RNF180: variants seen among roughly 807,000 people sequenced by gnomAD.
RNF180 encodes the protein ring finger protein 180, also known as E3 ubiquitin-protein ligase RNF180.
Under a neutral mutation model 59.2 loss-of-function variants are expected in RNF180, and 38 were observed. The ratio of observed to expected loss-of-function variants is 0.64; its 90% CI spans 0.50 to 0.84. RNF180 has a LOEUF of 0.84. Among genes scored for constraint, RNF180 ranks in the 40% least tolerant of loss-of-function variants. The pLI is 0.00. For missense variants in RNF180, 705 were observed against 700.9 expected, an observed-to-expected ratio of 1.01 and a Z score of -0.07; for synonymous variants, 262 against 240.3, an observed-to-expected ratio of 1.09 and a Z score of -0.84.
chr5:64,180,238 TCTA>T lies in RNF180; in HGVS notation c.-1+14288_-1+14290del, dbSNP rs1314503758. ...TCAGTGTTTCACTTTGCCATTTTATTCTACTCTGTTTTTTGAAACATGACCCAG... is the reference window on the plus strand; with the variant it reads ...TCAGTGTTTCACTTTGCCATTTTATTCTCTGTTTTTTGAAACATGACCCAG... On this transcript the variant is annotated intron_variant, in intron 1 of 7. Coordinates refer to ENST00000389100, the MANE Select transcript of RNF180 (RefSeq NM_001113561.2). 2.6e-5 allele frequency among the ~76,000 whole-genome samples: 4 copies of T among 152,306 alleles called. No individual in the cohort carries two copies. The South Asian group carries it at 6.2e-4, about 24-fold the overall frequency.
intron 5 of RNF180, among the ~76,000 whole-genome samples, chr5:64,254,491 T>C (rs145944713): frequency 6.6e-6 from 1 of 152,168 alleles, no homozygotes; most frequent in East Asian, 1.9e-4. Context: ...TGCAACATGC[T>C]TTTTATAGAA....
chr5:64,270,820 TATTAA>T (rs368679121), intron 5 of RNF180, among the ~76,000 whole-genome samples: 160 of 152,266 alleles, frequency 1.1e-3, no homozygotes, highest in African/African-American at 3.7e-3. Flanking sequence ...CAGTTGCTCA[TATTAA>T]ATTGTATCTG....
At chr5:64,357,526 G>A (rs1031644684) in intron 7 of RNF180, among the ~76,000 whole-genome samples, 2 of 151,684 alleles carry the variant, frequency 1.3e-5, no homozygotes, top group Non-Finnish European at 2.9e-5. Flanking sequence ...TTCAATTCCT[G>A]CTGAAAATAT....
chr5:64,310,104 A>G (rs1743687658), intron 5 of RNF180, among the ~76,000 whole-genome samples: 1 of 151,790 alleles, frequency 6.6e-6, no homozygotes, highest in African/African-American at 2.4e-5. Context: ...CTTACAAGAA[A>G]ACCACTAGTC....
intron 5 of RNF180, among the ~76,000 whole-genome samples, chr5:64,233,463 AT>A (rs1742218219): frequency 6.6e-6 from 1 of 152,226 alleles, no homozygotes; most frequent in East Asian, 1.9e-4. Context: ...ATTAATTACC[AT>A]TGAGAAACAT....
At chr5:64,346,489 G>T (rs1203657142) in intron 7 of RNF180, among the ~76,000 whole-genome samples, 1 of 149,268 alleles carries the variant, frequency 6.7e-6, no homozygotes, top group Non-Finnish European at 1.5e-5. Flanking sequence ...CCTGCCTCAG[G>T]CTCCCAAGTA....
intron 5 of RNF180, among the ~76,000 whole-genome samples, chr5:64,255,984 T>C (rs1293886340): frequency 6.6e-6 from 1 of 152,208 alleles, no homozygotes; most frequent in East Asian, 1.9e-4. Context: ...GTCTTTTGGC[T>C]GCATAAATGT....
chr5:64,271,135 G>T (rs946827546), intron 5 of RNF180, among the ~76,000 whole-genome samples: 1 of 152,102 alleles, frequency 6.6e-6, no homozygotes, highest in African/African-American at 2.4e-5. Flanking sequence ...AAAGTAAATA[G>T]CTAAATTAGT....
At chr5:64,327,475 T>C (rs182443518) in intron 6 of RNF180, among the ~76,000 whole-genome samples, 2 of 152,302 alleles carry the variant, frequency 1.3e-5, no homozygotes. Flanking sequence ...TTTTGGCGTA[T>C]TATATTTCTA....
intron 5 of RNF180, among the ~76,000 whole-genome samples, chr5:64,305,962 C>T (rs773568093): frequency 9.2e-5 from 14 of 151,626 alleles, no homozygotes; most frequent in South Asian, 6.2e-4. Flanking sequence ...CTTCCACTCA[C>T]GTTCCTTTCG....
intron 1 of RNF180, among the ~76,000 whole-genome samples, chr5:64,182,221 G>C (rs1180761427): frequency 6.6e-6 from 1 of 151,918 alleles, no homozygotes; most frequent in Non-Finnish European, 1.5e-5. Context: ...TTGATCTCCT[G>C]ACCTCGTGAT....
intron 5 of RNF180, among the ~76,000 whole-genome samples, chr5:64,237,420 G>A (rs927167463): frequency 6.6e-6 from 1 of 152,036 alleles, no homozygotes; most frequent in Non-Finnish European, 1.5e-5. Flanking sequence ...TTTACCCAAT[G>A]TTGTACCCCA....
At chr5:64,329,550 C>A (rs1392618984) in intron 6 of RNF180, among the ~76,000 whole-genome samples, 1 of 151,426 alleles carries the variant, frequency 6.6e-6, no homozygotes, top group East Asian at 1.9e-4. Context: ...CTCCACTTCC[C>A]AGGTTCAAGC....
chr5:64,268,953 TCTTA>T (rs1304798912), intron 5 of RNF180, among the ~76,000 whole-genome samples: 4 of 151,804 alleles, frequency 2.6e-5, no homozygotes, highest in African/African-American at 9.7e-5. Context: ...CCCCCAACCC[TCTTA>T]CTTATTACTT....
chr5:64,171,249 G>A (rs1749918586), intron 1 of RNF180, among the ~76,000 whole-genome samples: 1 of 152,200 alleles, frequency 6.6e-6, no homozygotes, highest in Admixed American at 6.5e-5. Flanking sequence ...TAACGACAAT[G>A]ATAATGCTAG....
intron 7 of RNF180, among the ~76,000 whole-genome samples, chr5:64,334,563 C>T (rs1200183265): frequency 6.6e-6 from 1 of 151,990 alleles, no homozygotes; most frequent in Non-Finnish European, 1.5e-5. Flanking sequence ...CTTTGTTTAC[C>T]CTGATTCCCC....
intron 5 of RNF180, among the ~76,000 whole-genome samples, chr5:64,259,985 A>G (rs1446892585): frequency 6.6e-6 from 1 of 152,122 alleles, no homozygotes; most frequent in Non-Finnish European, 1.5e-5. Context: ...ATCTTTGACT[A>G]TCCTAATCAT....
intron 5 of RNF180, among the ~76,000 whole-genome samples, chr5:64,300,865 C>T (rs1743127894): frequency 6.6e-6 from 1 of 151,708 alleles, no homozygotes; most frequent in Non-Finnish European, 1.5e-5. Flanking sequence ...CTATTCATTA[C>T]CCTTGTAAGC....
At chr5:64,214,549 C>T in intron 4 of RNF180, 32 bp downstream of exon 4, 2 of 1,584,548 alleles carry the variant, frequency 1.3e-6, no homozygotes, top group Non-Finnish European at 1.7e-6. Context: ...TACTAAAAAT[C>T]TGTATTATAA....
Sources: allele counts gnomAD v4.1 joint callset (sites outside exome capture counted in the v4.1 genomes callset), GRCh38; gene constraint gnomAD v4.1.1; transcripts MANE v1.5; gene names NCBI Gene and HGNC (gene_info 2026-07-23, HGNC 2026-07-21).